Variants in AHCY observed in about 807,000 individuals in gnomAD.
AHCY encodes the protein adenosylhomocysteinase.
A neutral mutation model predicts 45.4 loss-of-function variants in AHCY; 24 were observed. That is an observed-to-expected ratio of 0.53 (90% CI 0.38 to 0.74). The LOEUF (loss-of-function observed/expected upper bound fraction) is 0.74. Among genes scored for constraint, AHCY ranks in the 30% least tolerant of loss-of-function variants. The pLI is 0.00. For synonymous variants in AHCY, 245 were observed against 235.1 expected (o/e 1.04, Z -0.39); for missense variants, 449 against 594.1 (o/e 0.76, Z 2.54).
the AHCY span, among the ~76,000 whole-genome samples, chr20:34,255,108 GC>G: frequency 6.6e-6 from 1 of 152,126 alleles, no homozygotes; most frequent in African/African-American, 2.4e-5. Flanking sequence ...GGTGAACTGA[GC>G]TTGTACCTAC....
At chr20:34,273,428 G>A in the AHCY span, among the ~76,000 whole-genome samples, 1 of 152,326 alleles carries the variant, frequency 6.6e-6, no homozygotes, top group South Asian at 2.1e-4. Context: ...CAGGCTGGGT[G>A]TGGTGGCTCA....
chr20:34,286,379 T>C (rs2036185330), intron 8 of AHCY: 1 of 153,102 alleles, frequency 6.5e-6, no homozygotes, highest in Non-Finnish European at 1.5e-5. Context: ...TTAGGTCACT[T>C]GTCCAGAGCC....
chr20:34,303,431 A>C, upstream of AHCY: 1 of 1,064,918 alleles, frequency 9.4e-7, no homozygotes, highest in Non-Finnish European at 1.4e-6. Flanking sequence ...GCGGGGCCCA[A>C]CGCGCAGGGC....
chr20:34,281,202 A>T (rs750682587), intron 9 of AHCY, 37 bp from the exon 10 acceptor site: 26 of 1,610,846 alleles, frequency 1.6e-5, no homozygotes, highest in African/African-American at 2.7e-5. Flanking sequence ...AATCAGTGCC[A>T]TTTTCTGGGA....
intron 1 of AHCY, chr20:34,302,815 C>T: frequency 3.9e-6 from 4 of 1,024,608 alleles, no homozygotes; most frequent in Non-Finnish European, 4.7e-6. Flanking sequence ...GGTGCCCTCG[C>T]CGTCCCTGTA....
chr20:34,262,149 A>T, the AHCY span, among the ~76,000 whole-genome samples: 2 of 152,110 alleles, frequency 1.3e-5, no homozygotes, highest in East Asian at 3.8e-4. Context: ...AAGAAAGAGG[A>T]TATTCTACAC....
chr20:34,269,437 C>T, the AHCY span: 6 of 445,226 alleles, frequency 1.3e-5, no homozygotes, highest in East Asian at 2.4e-4. Context: ...TCAGGAAACC[C>T]GGGCGTCCCA....
At chr20:34,279,818 T>C (rs2035949850), downstream of AHCY, among the ~76,000 whole-genome samples, 1 of 152,126 alleles carries the variant, frequency 6.6e-6, no homozygotes, top group African/African-American at 2.4e-5. Flanking sequence ...CCCCACTTAG[T>C]GCACTTTTAA....
chr20:34,285,785 T>C (rs2036161524), intron 8 of AHCY, 151 bp from the exon 9 acceptor site: 1 of 837,266 alleles, frequency 1.2e-6, no homozygotes, highest in Non-Finnish European at 1.9e-6. Flanking sequence ...AGCACAAAAA[T>C]AACAGCCAAT....
At chr20:34,310,664 T>C (rs2036938475) in intron 1 of AHCY, among the ~76,000 whole-genome samples, 1 of 152,232 alleles carries the variant, frequency 6.6e-6, no homozygotes, top group Non-Finnish European at 1.5e-5. Flanking sequence ...ATTGGTACAG[T>C]CCACATGATG....
the AHCY span, among the ~76,000 whole-genome samples, chr20:34,239,766 G>T: frequency 6.6e-6 from 1 of 152,138 alleles, no homozygotes; most frequent in Non-Finnish European, 1.5e-5. Flanking sequence ...ATCACCAAAA[G>T]AAATTGGTTC....
downstream of AHCY, among the ~76,000 whole-genome samples, chr20:34,275,642 ATG>A (rs1266579123): frequency 6.6e-6 from 1 of 151,474 alleles, no homozygotes; most frequent in East Asian, 1.9e-4. Context: ...ATTCTCTGGA[ATG>A]TGTCACTCTC....
intron 1 of AHCY, among the ~76,000 whole-genome samples, chr20:34,296,386 C>T (rs2036578730): frequency 6.6e-6 from 1 of 152,132 alleles, no homozygotes; most frequent in African/African-American, 2.4e-5. Flanking sequence ...TCATATTAAT[C>T]TATATCCTCT....
chr20:34,258,890 T>C, the AHCY span, among the ~76,000 whole-genome samples: 1 of 132,426 alleles, frequency 7.6e-6, no homozygotes, highest in African/African-American at 2.7e-5. Flanking sequence ...TATAGTATTA[T>C]ATATATAGTG....
chr20:34,294,044 T>G lies in AHCY; in HGVS notation c.295+37A>C, dbSNP rs58886100. 31 of 1,605,174 alleles carry G rather than the reference T, an allele frequency of 1.9e-5. No homozygotes were observed. The African/African-American group carries it at 3.1e-4, about 16-fold the overall frequency. On this transcript the variant is annotated intron_variant, in intron 3 of 9. Coordinates refer to ENST00000217426, the MANE Select transcript of AHCY (RefSeq NM_000687.4). ...GTGAAGCAAAGAGGGCAGAATCCCT[T>G]CACAAATTCCACGTCTCAGAAGCAA...
chr20:34,293,988 T>G (rs1284407964), intron 3 of AHCY, 93 bp downstream of exon 3: 2 of 1,295,580 alleles, frequency 1.5e-6, no homozygotes, highest in Non-Finnish European at 2.2e-6. Flanking sequence ...CCCTTTCTGA[T>G]ATGTAAGGAA....
At chr20:34,262,412 T>C in the AHCY span, among the ~76,000 whole-genome samples, 2 of 151,918 alleles carry the variant, frequency 1.3e-5, no homozygotes, top group African/African-American at 4.8e-5. Context: ...GAATGGAAAA[T>C]AGGAAACACA....
At chr20:34,261,539 C>T in the AHCY span, among the ~76,000 whole-genome samples, 195 of 152,258 alleles carry the variant, frequency 1.3e-3, 2 homozygotes, top group East Asian at 0.031. Flanking sequence ...GAGGCTGAGG[C>T]AGGAGGATCA....
rs372880260 is a variant in AHCY at position 34,290,319 on chromosome 20, G to A, written c.972+13C>T. On this transcript the variant is annotated intron_variant, in intron 8 of 9. Coordinates refer to ENST00000217426, the MANE Select transcript of AHCY (RefSeq NM_000687.4). The surrounding 1 kb of genome is among the most constrained non-coding windows in gnomAD (Gnocchi z 4.5). The stretch of plus-strand genomic sequence containing the variant: ...CATCTGCCCAGCCCACTGGCAAGGC[G>A]GGAGCTTCTCACCTGCGGCTTGATG... The A allele has an allele frequency of 2.3e-5, 37 of 1,613,102 alleles. No homozygotes were observed. Among genetic ancestry groups the A allele is most frequent in the Middle Eastern group, 1.7e-4 (1 of 5,988 alleles).
Sources: allele counts gnomAD v4.1 joint callset (sites outside exome capture counted in the v4.1 genomes callset), GRCh38; gene constraint gnomAD v4.1.1; non-coding constraint Gnocchi (gnomAD v3.1); transcripts MANE v1.5; gene names NCBI Gene and HGNC (gene_info 2026-07-23, HGNC 2026-07-21).